The following NPHP1 variants were observed in gnomAD, a reference collection of about 807,000 sequenced individuals.
The protein encoded by NPHP1 is nephrocystin 1, also known as nephrocystin-1.
A neutral mutation model predicts 90.4 loss-of-function variants in NPHP1; 70 were observed. The observed-to-expected ratio is 0.77, with a 90% CI of 0.64 to 0.95. The LOEUF (loss-of-function observed/expected upper bound fraction) is 0.95. Among genes scored for constraint, NPHP1 ranks in the 40% least tolerant of loss-of-function variants. The probability of loss-of-function intolerance (pLI) is 0.00; values close to 1 mark genes in which losing one functional copy is unlikely to be tolerated. For missense variants in NPHP1, 764 were observed against 795.9 expected, an observed-to-expected ratio of 0.96 and a Z score of 0.48; for synonymous variants, 256 against 271.7, an observed-to-expected ratio of 0.94 and a Z score of 0.57.
chr2:110,171,421 C>G (rs554799765), intron 4 of NPHP1, among the ~76,000 whole-genome samples: 1 of 152,068 alleles, frequency 6.6e-6, no homozygotes, highest in Non-Finnish European at 1.5e-5. Context: ...AACTATAAAA[C>G]TAGTCAACTA....
In NPHP1 at chr2:110,201,429, A is replaced by T. The variant is rs778263483; in HGVS notation, c.135T>A (p.Ile45=). The change falls in exon 2 of 20, where the codon ATT becomes ATA. Residue 45 remains isoleucine, a synonymous_variant. Transcript: ENST00000445609. ...AATTTAGCATACTTTACCTTTGATA[A>T]ATATGTTGTCTTTTATTGGGTTCTA... ...EALEPNKRQH[I]YQRCIQLKQA... The T allele has an allele frequency of 1.9e-6, 3 of 1,604,294 alleles. No homozygotes were observed. In the South Asian group the frequency reaches 3.3e-5, roughly 18 times the overall value.
In NPHP1 at chr2:110,123,686, C is replaced by T. The variant is rs1469206945; in HGVS notation, c.*105G>A. On this transcript the variant is annotated 3_prime_UTR_variant, in exon 20 of 20. Transcript: ENST00000445609. ...GTCTGTAGAAAGAAAAGAGTAAAAC[C>T]TAAGTTGTAAAGTGACAGTGATTTT... The T allele has an allele frequency of 1.8e-6, 2 of 1,141,368 alleles. No homozygotes were observed. The highest frequency in any genetic ancestry group is 2.6e-6 in the Non-Finnish European group (2 of 764,550). 70.7% of individuals were successfully genotyped at this position (1,141,368 alleles called of 1,614,324 possible).
chr2:110,138,629 G>T (rs930690506), intron 16 of NPHP1, among the ~76,000 whole-genome samples: 2 of 152,088 alleles, frequency 1.3e-5, no homozygotes, highest in Admixed American at 6.5e-5. Context: ...CCATGGACAT[G>T]TTCATGAGCA....
intron 16 of NPHP1, among the ~76,000 whole-genome samples, chr2:110,133,249 T>C (rs1379167250): frequency 1.3e-5 from 2 of 151,988 alleles, no homozygotes; most frequent in Non-Finnish European, 2.9e-5. Flanking sequence ...AAAGAGAACA[T>C]GTTTAGCCAT....
chr2:110,145,796 C>T (rs1296532005), intron 14 of NPHP1, among the ~76,000 whole-genome samples: 1 of 151,960 alleles, frequency 6.6e-6, no homozygotes, highest in Non-Finnish European at 1.5e-5. Context: ...AACTAAAAAC[C>T]CTGAGCATAT....
rs1302482983 is a variant in NPHP1, at chr2:110,168,466, T to C, written c.610A>G (p.Arg204Gly). ...DAKGNEGLVP[R>G]TYLEPYSEEE... ...CCAAGACTAACCTCTAGGTAGGTTC[T>C]GGGAACAAGACCTTCATTTCCTTTG... The change falls in exon 6 of 20, where the codon AGA becomes GGA. Residue 204 changes from arginine (R) to glycine (G), a missense_variant. Coordinates refer to ENST00000445609, the MANE Select transcript of NPHP1 (RefSeq NM_001128178.3). 6.2e-7 allele frequency: 1 copy of C among 1,611,680 alleles called. No individual in the cohort carries two copies. The highest frequency in any genetic ancestry group is 1.1e-5 in the South Asian group (1 of 91,012).
chr2:110,175,434 A>G (rs1046577663), intron 4 of NPHP1, among the ~76,000 whole-genome samples: 2 of 152,084 alleles, frequency 1.3e-5, no homozygotes, highest in African/African-American at 4.8e-5. Flanking sequence ...TTGCCTGAAA[A>G]TGTCTTTATT....
intron 2 of NPHP1, among the ~76,000 whole-genome samples, chr2:110,188,166 G>A (rs916655014): frequency 6.6e-6 from 1 of 152,094 alleles, no homozygotes; most frequent in Admixed American, 6.5e-5. Flanking sequence ...TTCTGGCCTG[G>A]GAAGTCAGGC....
chr2:110,202,873 A>T (rs1289797806), intron 1 of NPHP1, among the ~76,000 whole-genome samples: 1 of 152,154 alleles, frequency 6.6e-6, no homozygotes, highest in Non-Finnish European at 1.5e-5. Flanking sequence ...GAGATTTCCC[A>T]AACAACGTAA....
intron 16 of NPHP1, among the ~76,000 whole-genome samples, chr2:110,142,613 A>C (rs1034418152): frequency 2.0e-5 from 3 of 151,974 alleles, no homozygotes; most frequent in Non-Finnish European, 4.4e-5. Flanking sequence ...CCACCTCCCA[A>C]AGTGCTGCAA....
intron 1 of NPHP1, among the ~76,000 whole-genome samples, chr2:110,203,377 G>A (rs922209428): frequency 6.6e-6 from 1 of 152,060 alleles, no homozygotes; most frequent in Non-Finnish European, 1.5e-5. Context: ...GTTCCCATGT[G>A]ACAGACCTGC....
rs769966793 is a variant in NPHP1 at position 110,144,459 on chromosome 2, T to A, written c.1429+34A>T. 13 of 1,402,794 alleles carry A rather than the reference T, an allele frequency of 9.3e-6. No individual in the cohort carries two copies. In the East Asian group the frequency reaches 3.0e-4, roughly 32 times the overall value. 86.9% of individuals were successfully genotyped at this position (1,402,794 alleles called of 1,614,324 possible). On this transcript the variant is annotated intron_variant, in intron 15 of 19. Coordinates refer to ENST00000445609, the MANE Select transcript of NPHP1 (RefSeq NM_001128178.3). ...TCAGATGCTTCTATTTGTTTAATCT[T>A]TAAGGAAAGGAAGACAACACATGAG...
At chr2:110,144,023 T>C (rs1680836088) in intron 15 of NPHP1, 1 of 325,482 alleles carries the variant, frequency 3.1e-6, no homozygotes, top group African/African-American at 2.1e-5. Context: ...GAAATGGAAT[T>C]CCAAATCTGT....
At chr2:110,204,021 T>G (rs2104724733) in intron 1 of NPHP1, among the ~76,000 whole-genome samples, 1 of 152,284 alleles carries the variant, frequency 6.6e-6, no homozygotes, top group East Asian at 1.9e-4. Flanking sequence ...ATTAGCCTGT[T>G]CCCTTCTATG....
At chr2:110,188,076 G>A (rs1444750223) in intron 2 of NPHP1, among the ~76,000 whole-genome samples, 1 of 152,160 alleles carries the variant, frequency 6.6e-6, no homozygotes, top group Admixed American at 6.5e-5. Context: ...ATGGGCAAAT[G>A]CTTGAAGCAT....
At position 110,201,424 on chromosome 2, in the gene NPHP1, T is replaced by A; in HGVS notation, c.140A>T (p.Gln47Leu). The A allele has an allele frequency of 6.3e-7, 1 of 1,599,264 alleles. No homozygotes were observed. Among genetic ancestry groups the A allele is most frequent in the Non-Finnish European group, 8.6e-7 (1 of 1,168,276 alleles). The part of the protein sequence containing the change: ...LEPNKRQHIY[Q>L]RCIQLKQAID... ...TATATAATTTAGCATACTTTACCTT[T>A]GATAAATATGTTGTCTTTTATTGGG... Residue 47 changes from glutamine to leucine, a missense_variant, in exon 2 of 20, where the codon CAA (glutamine) becomes CTA (leucine). Transcript: ENST00000445609.
intron 15 of NPHP1, 118 bp downstream of exon 15, chr2:110,144,375 A>AT: frequency 1.4e-6 from 1 of 690,388 alleles, no homozygotes; most frequent in Non-Finnish European, 2.6e-6. Context: ...CAAATGACAT[A>AT]TTTTTAAAAG....
intron 16 of NPHP1, among the ~76,000 whole-genome samples, chr2:110,136,048 A>G (rs1231590913): frequency 6.6e-6 from 1 of 152,228 alleles, no homozygotes; most frequent in Non-Finnish European, 1.5e-5. Context: ...AATCCAGCAT[A>G]TAAACAGAAC....
Position 110,189,136 on chromosome 2 carries a change from A to G in NPHP1, c.144-9452T>C, listed in dbSNP as rs569596863. On this transcript the variant is annotated intron_variant, in intron 2 of 19. Transcript: ENST00000445609. Reference sequence around the variant, plus strand: ...AGCCAAAAGCAATTGCAACAAAAGCAAAACTTGACAAATAGGATCTCATCA... The same window carrying G: ...AGCCAAAAGCAATTGCAACAAAAGCGAAACTTGACAAATAGGATCTCATCA... 5.3e-5 allele frequency among the ~76,000 whole-genome samples: 8 copies of G among 152,310 alleles called. 1 individual carries two copies. Among genetic ancestry groups the G allele is most frequent in the Non-Finnish European group, 1.2e-4 (8 of 68,018 alleles).
Sources: allele counts gnomAD v4.1 joint callset (sites outside exome capture counted in the v4.1 genomes callset), GRCh38; gene constraint gnomAD v4.1.1; transcripts MANE v1.5; gene names NCBI Gene and HGNC (gene_info 2026-07-23, HGNC 2026-07-21).